The following KCNIP4 variants were observed in gnomAD, a reference collection of about 807,000 sequenced individuals.
KCNIP4 encodes the protein Kv channel-interacting protein 4.
A neutral mutation model predicts 34.0 loss-of-function variants in KCNIP4; 12 were observed. That is an observed-to-expected ratio of 0.35 (90% confidence interval 0.23 to 0.57). KCNIP4 has a LOEUF of 0.57. Ranked by LOEUF, KCNIP4 falls within the 20% of genes least tolerant of loss-of-function variation. The probability of loss-of-function intolerance (pLI) is 0.83; values close to 1 mark genes in which losing one functional copy is unlikely to be tolerated. For missense variants in KCNIP4, 238 were observed against 311.7 expected, an observed-to-expected ratio of 0.76 and a Z score of 1.78; for synonymous variants, 124 against 102.2, an observed-to-expected ratio of 1.21 and a Z score of -1.29.
intron 1 of KCNIP4, among the ~76,000 whole-genome samples, chr4:21,569,025 C>T (rs976406088): frequency 4.6e-5 from 7 of 151,606 alleles, no homozygotes; most frequent in African/African-American, 7.3e-5. Context: ...TCACTCTCAC[C>T]GCATTCAGAG....
At chr4:20,858,915 A>G (rs553473461) in intron 2 of KCNIP4, among the ~76,000 whole-genome samples, 52 of 152,308 alleles carry the variant, frequency 3.4e-4, no homozygotes, top group African/African-American at 1.1e-3. Context: ...ACAGCTTACA[A>G]GTGACAGGGC....
At chr4:21,109,939 A>G (rs28718644) in intron 1 of KCNIP4, among the ~76,000 whole-genome samples, 44 of 152,258 alleles carry the variant, frequency 2.9e-4, no homozygotes, top group African/African-American at 1.0e-3. Flanking sequence ...AGGTAAATAG[A>G]TATTATTGTT....
chr4:21,392,342 A>C (rs1378438224), intron 1 of KCNIP4, among the ~76,000 whole-genome samples: 4 of 152,234 alleles, frequency 2.6e-5, no homozygotes, highest in Admixed American at 2.6e-4. Flanking sequence ...CATTTCTTAT[A>C]GTACCAACAA....
At chr4:21,463,188 G>T (rs1226404447) in intron 1 of KCNIP4, among the ~76,000 whole-genome samples, 1 of 151,986 alleles carries the variant, frequency 6.6e-6, no homozygotes, top group Non-Finnish European at 1.5e-5. Context: ...GTTATCTTTT[G>T]TATTTTTGAT....
At chr4:21,195,769 A>T (rs1393118854) in intron 1 of KCNIP4, among the ~76,000 whole-genome samples, 1 of 152,130 alleles carries the variant, frequency 6.6e-6, no homozygotes, top group Non-Finnish European at 1.5e-5. Context: ...TCCAACTAGA[A>T]CGCCTGGTTG....
chr4:21,443,898 C>T (rs960597692), intron 1 of KCNIP4, among the ~76,000 whole-genome samples: 3 of 151,842 alleles, frequency 2.0e-5, no homozygotes, highest in African/African-American at 7.3e-5. Context: ...TCACTGCACT[C>T]GAGCCTGGAA....
intron 3 of KCNIP4, among the ~76,000 whole-genome samples, chr4:20,780,190 T>C (rs1005009803): frequency 7.9e-5 from 12 of 152,116 alleles, no homozygotes; most frequent in African/African-American, 2.7e-4. Flanking sequence ...TGTAGTGAGA[T>C]TGAGGGCTTA....
chr4:21,893,585 C>A (rs1727224550), intron 1 of KCNIP4, among the ~76,000 whole-genome samples: 1 of 152,130 alleles, frequency 6.6e-6, no homozygotes, highest in South Asian at 2.1e-4. Context: ...AAATTCATTA[C>A]ACACAAGAAA....
At chr4:21,928,297 C>T (rs1014487106) in intron 1 of KCNIP4, among the ~76,000 whole-genome samples, 4 of 152,028 alleles carry the variant, frequency 2.6e-5, no homozygotes, top group African/African-American at 9.7e-5. Context: ...CTTCACAATA[C>T]TCACACACAG....
intron 1 of KCNIP4, among the ~76,000 whole-genome samples, chr4:21,683,699 C>T (rs1483623014): frequency 6.6e-6 from 1 of 151,854 alleles, no homozygotes; most frequent in African/African-American, 2.4e-5. Flanking sequence ...ACCTATTGTT[C>T]TACAGATATC....
intron 1 of KCNIP4, among the ~76,000 whole-genome samples, chr4:20,942,493 A>G (rs145707529): frequency 1.2e-4 from 18 of 152,304 alleles, no homozygotes; most frequent in Non-Finnish European, 2.4e-4. Flanking sequence ...AATAAGCACC[A>G]GGTGGTTTGT....
At chr4:20,871,050 C>A (rs761613837) in intron 2 of KCNIP4, among the ~76,000 whole-genome samples, 8 of 152,110 alleles carry the variant, frequency 5.3e-5, no homozygotes, top group African/African-American at 9.7e-5. Flanking sequence ...CATTTAGAGG[C>A]AAGAGATCTA....
intron 3 of KCNIP4, among the ~76,000 whole-genome samples, chr4:20,831,198 T>C (rs991073695): frequency 7.2e-6 from 1 of 138,306 alleles, no homozygotes; most frequent in Non-Finnish European, 1.6e-5. Context: ...GCACATATAA[T>C]CATCTGTTTA....
chr4:21,433,544 C>A (rs969566069), intron 1 of KCNIP4, among the ~76,000 whole-genome samples: 3 of 152,204 alleles, frequency 2.0e-5, no homozygotes, highest in Non-Finnish European at 4.4e-5. Context: ...ATAGCTTCAG[C>A]CAATTTAGAT....
At chr4:21,493,972 G>A (rs916492919) in intron 1 of KCNIP4, among the ~76,000 whole-genome samples, 3 of 152,164 alleles carry the variant, frequency 2.0e-5, no homozygotes, top group Admixed American at 6.5e-5. Flanking sequence ...CAGTTTTAAA[G>A]CAAATATTTA....
At chr4:21,101,453 G>A (rs144852761) in intron 1 of KCNIP4, among the ~76,000 whole-genome samples, 8 of 152,188 alleles carry the variant, frequency 5.3e-5, no homozygotes, top group Admixed American at 3.9e-4. Flanking sequence ...TGGACACTTA[G>A]GTTGATTCCA....
At chr4:20,975,109 C>T (rs1366555286) in intron 1 of KCNIP4, among the ~76,000 whole-genome samples, 1 of 152,064 alleles carries the variant, frequency 6.6e-6, no homozygotes, top group Non-Finnish European at 1.5e-5. Context: ...AAGATCACAG[C>T]CAGTAAAAGG....
At chr4:20,822,867 T>C (rs947684382) in intron 3 of KCNIP4, among the ~76,000 whole-genome samples, 3 of 152,146 alleles carry the variant, frequency 2.0e-5, no homozygotes, top group South Asian at 4.1e-4. Context: ...CCCTCAGGAA[T>C]AGGGTTACTA....
At chr4:20,758,101 C>T (rs574017697) in intron 4 of KCNIP4, among the ~76,000 whole-genome samples, 36 of 152,146 alleles carry the variant, frequency 2.4e-4, no homozygotes, top group Non-Finnish European at 1.6e-4. Context: ...TGGCTAGGCA[C>T]ACCATAGGCT....
Sources: gnomAD v4.1 joint callset for allele counts (sites outside exome capture counted in the v4.1 genomes callset) on GRCh38, gnomAD v4.1.1 for gene constraint, MANE v1.5 for transcripts, NCBI Gene and HGNC (gene_info 2026-07-23, HGNC 2026-07-21) for gene names.